ATP2A2: variants seen among roughly 807,000 people sequenced by gnomAD.
ATP2A2 encodes ATPase sarcoplasmic/endoplasmic reticulum Ca2+ transporting 2.
ATP2A2 carries 14 observed loss-of-function variants against 109.3 expected under a neutral mutation model. That is an observed-to-expected ratio of 0.13 (90% CI 0.08 to 0.20). The LOEUF (loss-of-function observed/expected upper bound fraction) is 0.20. Among genes scored for constraint, ATP2A2 ranks in the 10% least tolerant of loss-of-function variants. The pLI, the probability that ATP2A2 is intolerant of heterozygous loss-of-function variation, is 1.00. For synonymous variants in ATP2A2, 506 were observed against 490.9 expected (o/e 1.03, Z -0.41); for missense variants, 657 against 1,321.6 (o/e 0.50, Z 7.80).
rs936327827 is a variant in ATP2A2, at chr12:110,346,828, G to C, written c.*358G>C. 2 of 1,130,666 alleles carry C rather than the reference G, an allele frequency of 1.8e-6. No homozygotes were observed. Among genetic ancestry groups the C allele is most frequent in the Middle Eastern group, 3.3e-4 (1 of 3,060 alleles). 70.0% of individuals were successfully genotyped at this position (1,130,666 alleles called of 1,614,324 possible). A position where few individuals can be genotyped will look rare whatever the true frequency, so the allele number is the denominator to read the frequency against. On this transcript the variant is annotated 3_prime_UTR_variant, in exon 20 of 20. Coordinates refer to ENST00000539276, the MANE Select transcript of ATP2A2 (RefSeq NM_170665.4). ...TAATTGGCAGCAGATTTTAGGAAATGAATGTGTGTGGTTTTTTTTCTAAAA... is the reference window on the plus strand; with the variant it reads ...TAATTGGCAGCAGATTTTAGGAAATCAATGTGTGTGGTTTTTTTTCTAAAA...
At chr12:110,320,411 A>G (rs540525748) in intron 5 of ATP2A2, among the ~76,000 whole-genome samples, 1 of 152,336 alleles carries the variant, frequency 6.6e-6, no homozygotes, top group South Asian at 2.1e-4. Context: ...AAATCCTCAG[A>G]CACCAAAGGA....
At chr12:110,307,072 C>T (rs925210189) in intron 5 of ATP2A2, among the ~76,000 whole-genome samples, 1 of 151,906 alleles carries the variant, frequency 6.6e-6, no homozygotes, top group African/African-American at 2.4e-5. Context: ...ATTTCTTTTT[C>T]TTGGGATATA....
chr12:110,289,221 G>A (rs986266029), intron 3 of ATP2A2, among the ~76,000 whole-genome samples: 1 of 152,140 alleles, frequency 6.6e-6, no homozygotes, highest in African/African-American at 2.4e-5. Context: ...AGTTGCTAAT[G>A]CCTCACTGAC....
At chr12:110,334,500 A>G (rs528968839) in intron 11 of ATP2A2, among the ~76,000 whole-genome samples, 1 of 152,060 alleles carries the variant, frequency 6.6e-6, no homozygotes, top group African/African-American at 2.4e-5. Context: ...ATAGGGGGAA[A>G]TAATAGTGTC....
chr12:110,350,126 C>T lies in ATP2A2; in HGVS notation c.*3656C>T, dbSNP rs1232985909. 3 of 1,510,936 alleles carry T rather than the reference C, an allele frequency of 2.0e-6. No individual in the cohort carries two copies. Among genetic ancestry groups the T allele is most frequent in the Non-Finnish European group, 2.7e-6 (3 of 1,131,786 alleles). 93.6% of individuals were successfully genotyped at this position (1,510,936 alleles called of 1,614,324 possible). On this transcript the variant is annotated 3_prime_UTR_variant, in exon 20 of 20. Transcript: ENST00000539276. ...TCTAGATGCTACCCTGTGTGGGCGG[C>T]ACCTCAGGGACAGTAAATCAGAAAT...
At chr12:110,336,978 G>A (rs1014353764) in intron 11 of ATP2A2, among the ~76,000 whole-genome samples, 36 of 152,300 alleles carry the variant, frequency 2.4e-4, no homozygotes, top group African/African-American at 8.2e-4. Context: ...GGTTTGAGTC[G>A]TTTGATTCTA....
chr12:110,290,851 GTC>G (rs1873190693), intron 3 of ATP2A2, among the ~76,000 whole-genome samples: 1 of 152,028 alleles, frequency 6.6e-6, no homozygotes, highest in Non-Finnish European at 1.5e-5. Context: ...CGATCTACCT[GTC>G]TCGGCCTCCC....
chr12:110,333,119 G>A (rs1878505969), intron 9 of ATP2A2, 62 bp from the exon 10 acceptor site: 3 of 1,371,600 alleles, frequency 2.2e-6, no homozygotes, highest in South Asian at 1.2e-5. Context: ...GGGGGGCAGG[G>A]GGCGGGAGGA....
chr12:110,306,055 G>A (rs911453216), intron 5 of ATP2A2, among the ~76,000 whole-genome samples: 7 of 151,854 alleles, frequency 4.6e-5, no homozygotes, highest in Middle Eastern at 3.2e-3. Context: ...TTTTTGAGAC[G>A]GAGTCTCGCT....
Position 110,347,245 on chromosome 12 carries a change from GT to G in ATP2A2, c.*779del. ...AATGTATTTTATTGTAACAGACATT[GT>G]TTTGCCAACATTGCCTATTTCAGTG... On this transcript the variant is annotated 3_prime_UTR_variant, in exon 20 of 20. Transcript: ENST00000539276. 2 of 1,217,888 alleles carry G rather than the reference GT, an allele frequency of 1.6e-6. No individual in the cohort carries two copies. Among genetic ancestry groups the G allele is most frequent in the Non-Finnish European group, 2.1e-6 (2 of 955,190 alleles). 75.4% of individuals were successfully genotyped at this position (1,217,888 alleles called of 1,614,324 possible).
At position 110,340,050 on chromosome 12, in the gene ATP2A2, C is replaced by A. The variant is rs1378622640; in HGVS notation, c.1761+329C>A. On this transcript the variant is annotated intron_variant, in intron 13 of 19. Transcript: ENST00000539276. The surrounding 1 kb of genome is among the most constrained non-coding windows in gnomAD (Gnocchi z 6.0). Reference sequence around the variant, plus strand: ...ACATTTCTAGAATATTCATTAGTTACTGAAGGTCAAAAGATCCAAGTTGGA... The same window carrying A: ...ACATTTCTAGAATATTCATTAGTTAATGAAGGTCAAAAGATCCAAGTTGGA... Among the ~76,000 whole-genome samples, 1 of 152,046 alleles carries A rather than the reference C, an allele frequency of 6.6e-6. No individual in the cohort carries two copies. Among genetic ancestry groups the A allele is most frequent in the African/African-American group, 2.4e-5 (1 of 41,370 alleles).
intron 5 of ATP2A2, among the ~76,000 whole-genome samples, chr12:110,309,140 A>ATGTTTTTTTTTTTTTTTTTT (rs1875704169): frequency 4.1e-5 from 2 of 48,888 alleles, no homozygotes; most frequent in Non-Finnish European, 7.0e-5. Context: ...AAGGAAACTA[A>ATGTTTTTTTTTTTTTTTTTT]TTTTTTTTTT....
chr12:110,305,649 T>C (rs1875210481), intron 5 of ATP2A2, among the ~76,000 whole-genome samples: 1 of 152,204 alleles, frequency 6.6e-6, no homozygotes, highest in Non-Finnish European at 1.5e-5. Flanking sequence ...AGCTGTCGTT[T>C]TGTATTTTTT....
chr12:110,300,182 CTCTTT>C (rs1460872147), intron 5 of ATP2A2, among the ~76,000 whole-genome samples: 26 of 93,410 alleles, frequency 2.8e-4, no homozygotes, highest in African/African-American at 1.3e-3. Flanking sequence ...TTCTCGCTCT[CTCTTT>C]TTTTTTTTTT....
chr12:110,304,108 A>G (rs146177115), intron 5 of ATP2A2, among the ~76,000 whole-genome samples: 5 of 152,330 alleles, frequency 3.3e-5, no homozygotes, highest in East Asian at 1.9e-4. Context: ...TTCTCTTAGC[A>G]TAGTGTTACA....
Position 110,347,991 on chromosome 12 carries a change from T to C in ATP2A2, c.*1521T>C, listed in dbSNP as rs1264003943. Reference sequence around the variant, plus strand: ...GCATCAGCTGGCTGGAGGTGTGGCTTTCATAGACCTCCACAGGCTGCCTAG... The same window carrying C: ...GCATCAGCTGGCTGGAGGTGTGGCTCTCATAGACCTCCACAGGCTGCCTAG... On this transcript the variant is annotated 3_prime_UTR_variant, in exon 20 of 20. Coordinates refer to ENST00000539276, the MANE Select transcript of ATP2A2 (RefSeq NM_170665.4). 1 of 988,184 alleles carries C rather than the reference T, an allele frequency of 1.0e-6. No homozygotes were observed. Among genetic ancestry groups the C allele is most frequent in the African/African-American group, 1.7e-5 (1 of 57,240 alleles). The allele number at this position is 988,184 out of a possible 1,614,324, so 61.2% of individuals were successfully genotyped here.
At chr12:110,294,643 C>A (rs1301093164) in intron 4 of ATP2A2, among the ~76,000 whole-genome samples, 1 of 151,736 alleles carries the variant, frequency 6.6e-6, no homozygotes, top group East Asian at 1.9e-4. Context: ...AGCTAGACTT[C>A]GTCTCAGAAA....
At position 110,282,803 on chromosome 12, in the gene ATP2A2, TA is replaced by T. The variant is rs750221249; in HGVS notation, c.219+15del. ...GCAGCATGTATATCTTTTGTAAGTA[TA>T]AAAAAATTTATTTTCTTTCCCCCCA... On this transcript the variant is annotated intron_variant, in intron 3 of 19. Transcript: ENST00000539276. The T allele has an allele frequency of 5.4e-5, 87 of 1,604,918 alleles. No homozygotes were observed. The highest frequency in any genetic ancestry group is 2.2e-4 in the Admixed American group (13 of 59,896).
At position 110,339,577 on chromosome 12, in the gene ATP2A2, A is replaced by G. The variant is rs763165116; in HGVS notation, c.1617A>G (p.Gly539=). Residue 539 remains glycine (G), a synonymous_variant, in exon 13 of 20, where the codon GGA becomes GGG. Transcript: ENST00000539276. This position sits in a 1 kb window ranked among gnomAD's most constrained non-coding sequence, Gnocchi z 4.4. ...VGSTKVPMTS[G]VKQKIMSVIR... The stretch of plus-strand genomic sequence containing the variant: ...GTACTAAGGTTCCTATGACCTCTGG[A>G]GTCAAACAGAAGATCATGTCTGTCA... 1.2e-6 allele frequency: 2 copies of G among 1,614,176 alleles called. No homozygotes were observed. Among genetic ancestry groups the G allele is most frequent in the Non-Finnish European group, 1.7e-6 (2 of 1,180,038 alleles).
Sources: gnomAD v4.1 joint callset for allele counts (sites outside exome capture counted in the v4.1 genomes callset) on GRCh38, gnomAD v4.1.1 for gene constraint, Gnocchi (gnomAD v3.1) non-coding constraint, MANE v1.5 for transcripts, NCBI Gene and HGNC (gene_info 2026-07-23, HGNC 2026-07-21) for gene names.